The following PAQR8 variants were observed in gnomAD, a reference collection of about 807,000 sequenced individuals.
PAQR8 encodes the protein progestin and adipoQ receptor family member 8.
A neutral mutation model predicts 25.2 loss-of-function variants in PAQR8; 17 were observed. The ratio of observed to expected loss-of-function variants is 0.67; its 90% CI spans 0.46 to 1.01. PAQR8 has a LOEUF of 1.01. Ranked by LOEUF, PAQR8 falls within the 50% of genes least tolerant of loss-of-function variation. The pLI, the probability that PAQR8 is intolerant of heterozygous loss-of-function variation, is 0.00. For synonymous variants in PAQR8, 204 were observed against 190.6 expected, an observed-to-expected ratio of 1.07 and a Z score of -0.58; for missense variants, 392 against 448.4, an observed-to-expected ratio of 0.87 and a Z score of 1.14.
In PAQR8 at chr6:52,406,831, G is replaced by A. The variant is rs371960053; in HGVS notation, c.*2553G>A. 80 of 333,094 alleles carry A rather than the reference G, an allele frequency of 2.4e-4. 1 individual carries two copies. In the South Asian group the frequency reaches 0.012, roughly 49 times the overall value. 20.6% of individuals were successfully genotyped at this position (333,094 alleles called of 1,614,324 possible). ...GCCCACCTCAGCCTCCCAAAGTGTT[G>A]GGATTACAGACATTAGCCATCACGC... is the stretch of plus-strand genomic sequence containing the variant. On this transcript the variant is annotated 3_prime_UTR_variant, in exon 2 of 2. Transcript: ENST00000442253.
chr6:52,366,510 A>G (rs1236400951), intron 1 of PAQR8, among the ~76,000 whole-genome samples: 1 of 152,212 alleles, frequency 6.6e-6, no homozygotes, highest in South Asian at 2.1e-4. Context: ...AATAGTGTTC[A>G]TATTTTTGAG....
Position 52,406,223 on chromosome 6 carries a change from G to A in PAQR8, c.*1945G>A, listed in dbSNP as rs1170631668. 2 of 339,152 alleles carry A rather than the reference G, an allele frequency of 5.9e-6. No homozygotes were observed. Among genetic ancestry groups the A allele is most frequent in the Non-Finnish European group, 1.1e-5 (2 of 180,616 alleles). The allele number at this position is 339,152 out of a possible 1,614,324, so 21.0% of individuals were successfully genotyped here. On this transcript the variant is annotated 3_prime_UTR_variant, in exon 2 of 2. Transcript: ENST00000442253. ...TTAGTAGAAGGTCAATTTAAAATAG[G>A]GACTAGAAATTATTTGAAGTTTTCT...
chr6:52,389,372 G>A (rs2113945564), intron 1 of PAQR8, among the ~76,000 whole-genome samples: 1 of 152,306 alleles, frequency 6.6e-6, no homozygotes, highest in South Asian at 2.1e-4. Context: ...TAGAAATAAA[G>A]CATAGGTAAG....
At chr6:52,365,225 A>G (rs1221419878) in intron 1 of PAQR8, among the ~76,000 whole-genome samples, 1 of 152,180 alleles carries the variant, frequency 6.6e-6, no homozygotes, top group Non-Finnish European at 1.5e-5. Context: ...CACAGAAGTA[A>G]AGGGAAGAGA....
At chr6:52,384,686 A>T (rs1348810384) in intron 1 of PAQR8, among the ~76,000 whole-genome samples, 1 of 152,264 alleles carries the variant, frequency 6.6e-6, no homozygotes, top group African/African-American at 2.4e-5. Context: ...ATATGGAAAC[A>T]AAGAGCCTAA....
chr6:52,373,664 C>G (rs1172800719), intron 1 of PAQR8: 1 of 152,072 alleles, frequency 6.6e-6, no homozygotes, highest in Non-Finnish European at 1.5e-5. Flanking sequence ...CTCCAGAGAT[C>G]TGACCTGGCC....
At chr6:52,363,112 C>T (rs1041790973) in intron 1 of PAQR8, among the ~76,000 whole-genome samples, 1 of 152,070 alleles carries the variant, frequency 6.6e-6, no homozygotes, top group African/African-American at 2.4e-5. Context: ...GACCGGGCAT[C>T]CCCAGACGGA....
intron 1 of PAQR8, among the ~76,000 whole-genome samples, chr6:52,379,169 T>C (rs1471449856): frequency 1.3e-5 from 2 of 150,092 alleles, no homozygotes; most frequent in Non-Finnish European, 3.0e-5. Context: ...GATATTATGC[T>C]AAGCAAAATA....
At position 52,404,155 on chromosome 6, in the gene PAQR8, C is replaced by A. The variant is rs1763879746; in HGVS notation, c.942C>A (p.Arg314=). The A allele has an allele frequency of 1.2e-6, 2 of 1,614,206 alleles. No homozygotes were observed. The highest frequency in any genetic ancestry group is 1.7e-6 in the Non-Finnish European group (2 of 1,180,024). Residue 314 remains arginine (R), a synonymous_variant, in exon 2 of 2, where the codon CGC becomes CGA. Transcript: ENST00000442253. ...GGCGGCAGGAGATCTTCCTGCAGCG[C>A]CATGGACCCCTATCTGTCCACATGG... ...YQGRQEIFLQ[R]HGPLSVHMAC...
chr6:52,403,352 CG>C lies in PAQR8; in HGVS notation c.142del (p.Glu48SerfsTer104). The C allele has an allele frequency of 6.2e-7, 1 of 1,614,244 alleles. No homozygotes were observed. Among genetic ancestry groups the C allele is most frequent in the Non-Finnish European group, 8.5e-7 (1 of 1,180,044 alleles). On this transcript the variant is annotated frameshift_variant, in exon 2 of 2. Transcript: ENST00000442253. LOFTEE classifies it high-confidence loss of function. ...AGAAACGGATGTGCCCCAGCTCTTC[CG>C]GGAGCCTTACATCCGCACCGGCTAC... Reference protein sequence around the residue: ...VPETDVPQLFREPYIRTGYRP... With the variant: ...VPETDVPQLFXEPYIRTGYRP...
chr6:52,386,834 T>A (rs72927485), intron 1 of PAQR8, among the ~76,000 whole-genome samples: 1,640 of 152,250 alleles, frequency 0.011, 10 homozygotes, highest in Middle Eastern at 0.031. Flanking sequence ...AGTTGAAAAA[T>A]TTTTAAAATG....
intron 1 of PAQR8, among the ~76,000 whole-genome samples, chr6:52,374,226 TC>T: frequency 6.6e-6 from 1 of 152,336 alleles, no homozygotes; most frequent in South Asian, 2.1e-4. Flanking sequence ...GTCCAGTATT[TC>T]TTTATAACAA....
chr6:52,377,012 C>G (rs1034726393), intron 1 of PAQR8, among the ~76,000 whole-genome samples: 6 of 152,188 alleles, frequency 3.9e-5, no homozygotes, highest in African/African-American at 1.4e-4. Flanking sequence ...CCCATGTGAT[C>G]TATGGACTTG....
chr6:52,403,151 C>T lies in PAQR8; in HGVS notation c.-52-11C>T. ...ACTGCGGCTTTGCCAATTTTCCTTT[C>T]TTTTCTGCAGGTTGCATACCCTGTC... is the stretch of plus-strand genomic sequence containing the variant. On this transcript the variant is annotated splice_polypyrimidine_tract_variant and intron_variant, in intron 1 of 1. Coordinates refer to ENST00000442253, the MANE Select transcript of PAQR8 (RefSeq NM_133367.5). The T allele has an allele frequency of 7.0e-7, 1 of 1,436,478 alleles. No homozygotes were observed. Among genetic ancestry groups the T allele is most frequent in the Non-Finnish European group, 9.3e-7 (1 of 1,071,184 alleles). 89.0% of individuals were successfully genotyped at this position (1,436,478 alleles called of 1,614,324 possible).
chr6:52,404,377 A>G lies in PAQR8; in HGVS notation c.*99A>G. The stretch of plus-strand genomic sequence containing the variant: ...TTTTAAGGCATTGGCTTTTAAATTA[A>G]TACATATATCCAAGGATATGTTATA... On this transcript the variant is annotated 3_prime_UTR_variant, in exon 2 of 2. Coordinates refer to ENST00000442253, the MANE Select transcript of PAQR8 (RefSeq NM_133367.5). The G allele has an allele frequency of 9.0e-7, 1 of 1,112,274 alleles. No individual in the cohort carries two copies. The highest frequency in any genetic ancestry group is 1.3e-6 in the Non-Finnish European group (1 of 790,616). 68.9% of individuals were successfully genotyped at this position (1,112,274 alleles called of 1,614,324 possible).
intron 1 of PAQR8, among the ~76,000 whole-genome samples, chr6:52,392,186 C>CA (rs909198557): frequency 3.3e-5 from 5 of 151,282 alleles, no homozygotes; most frequent in Admixed American, 6.6e-5. Flanking sequence ...TACTAAAATG[C>CA]AAAAAAAACT....
chr6:52,373,020 C>T (rs1335548824), intron 1 of PAQR8, among the ~76,000 whole-genome samples: 1 of 152,172 alleles, frequency 6.6e-6, no homozygotes, highest in African/African-American at 2.4e-5. Flanking sequence ...CTCCAAAGCC[C>T]ATCTTGTTTA....
At chr6:52,377,716 T>G (rs1265830139) in intron 1 of PAQR8, among the ~76,000 whole-genome samples, 2 of 147,994 alleles carry the variant, frequency 1.4e-5, no homozygotes, top group Non-Finnish European at 3.0e-5. Flanking sequence ...AAGGGGAAAC[T>G]TAGTTTTGGT....
At chr6:52,370,074 G>T (rs914658313) in intron 1 of PAQR8, among the ~76,000 whole-genome samples, 7 of 148,134 alleles carry the variant, frequency 4.7e-5, no homozygotes, top group Non-Finnish European at 6.0e-5. Flanking sequence ...GATTGCATGG[G>T]TTTTTTTTTT....
Sources: gnomAD v4.1 joint callset for allele counts (sites outside exome capture counted in the v4.1 genomes callset) on GRCh38, gnomAD v4.1.1 for gene constraint, MANE v1.5 for transcripts, NCBI Gene and HGNC (gene_info 2026-07-23, HGNC 2026-07-21) for gene names.